ADAMTSL1: variants seen among roughly 807,000 people sequenced by gnomAD.
ADAMTSL1 encodes the protein ADAMTS like 1, also known as ADAMTS-like protein 1.
ADAMTSL1 carries 126 observed loss-of-function variants against 201.8 expected under a neutral mutation model. The ratio of observed to expected loss-of-function variants is 0.62; its 90% CI spans 0.54 to 0.72. The LOEUF (loss-of-function observed/expected upper bound fraction) is 0.72. ADAMTSL1 is among the 30% of genes least tolerant of loss of function. The pLI, the probability that ADAMTSL1 is intolerant of heterozygous loss-of-function variation, is 0.00. For synonymous variants in ADAMTSL1, 1,121 were observed against 903.4 expected (o/e 1.24, Z -4.32); for missense variants, 2,679 against 2,277.8 (o/e 1.18, Z -3.59).
chr9:18,886,919 G>A lies in ADAMTSL1; in HGVS notation c.4250-912G>A, dbSNP rs1295200193. Among the ~76,000 whole-genome samples, 4 of 152,290 alleles carry A rather than the reference G, an allele frequency of 2.6e-5. No individual in the cohort carries two copies. The East Asian group carries it at 7.7e-4, about 29-fold the overall frequency. On this transcript the variant is annotated intron_variant, in intron 23 of 28. Coordinates refer to ENST00000380548, the MANE Select transcript of ADAMTSL1 (RefSeq NM_001040272.6). ...TTTCTAAAAATCTTATACCAGCTGA[G>A]ATCTCCCTAGAAGAGGGAAGATAGT...
chr9:18,778,003 G>T, intron 19 of ADAMTSL1, 97 bp downstream of exon 19: 3 of 1,464,616 alleles, frequency 2.0e-6, no homozygotes, highest in African/African-American at 1.4e-5. Flanking sequence ...GTTTCCAGGG[G>T]TAGGGCTTAG....
intron 23 of ADAMTSL1, among the ~76,000 whole-genome samples, chr9:18,843,071 G>C (rs548406815): frequency 6.6e-6 from 1 of 151,822 alleles, no homozygotes. Context: ...ATCTGATCCT[G>C]TCATTATGAT....
At chr9:18,718,080 A>G in intron 14 of ADAMTSL1, 1 of 1,451,744 alleles carries the variant, frequency 6.9e-7, no homozygotes, top group Middle Eastern at 1.7e-4. Flanking sequence ...TTTATTTTGA[A>G]TTTTGTAGAA....
chr9:18,587,756 T>G (rs1029853968), intron 4 of ADAMTSL1, among the ~76,000 whole-genome samples: 2 of 152,226 alleles, frequency 1.3e-5, no homozygotes, highest in African/African-American at 4.8e-5. Context: ...TGTGCCTGGT[T>G]TATTTCACTT....
intron 1 of ADAMTSL1, among the ~76,000 whole-genome samples, chr9:18,020,501 C>T (rs562724723): frequency 2.8e-4 from 43 of 152,084 alleles, no homozygotes; most frequent in African/African-American, 9.6e-4. Flanking sequence ...AGAGATCTTC[C>T]CTTCTTCCAG....
intron 23 of ADAMTSL1, among the ~76,000 whole-genome samples, chr9:18,858,935 T>A (rs1217344360): frequency 6.6e-6 from 1 of 152,200 alleles, no homozygotes; most frequent in Non-Finnish European, 1.5e-5. Context: ...TCTTAATAGA[T>A]GCATTACCCA....
intron 4 of ADAMTSL1, among the ~76,000 whole-genome samples, chr9:18,584,791 G>C (rs1239514761): frequency 2.0e-5 from 3 of 152,090 alleles, no homozygotes; most frequent in African/African-American, 7.2e-5. Flanking sequence ...CCATCCAATT[G>C]ACTAGGGGCC....
At chr9:18,127,682 G>A (rs1413203214) in intron 1 of ADAMTSL1, among the ~76,000 whole-genome samples, 1 of 152,112 alleles carries the variant, frequency 6.6e-6, no homozygotes, top group Non-Finnish European at 1.5e-5. Flanking sequence ...AGGAGTCTTC[G>A]CTGTCAGCAC....
At chr9:18,365,038 C>T (rs1174330030) in intron 2 of ADAMTSL1, among the ~76,000 whole-genome samples, 2 of 152,188 alleles carry the variant, frequency 1.3e-5, no homozygotes, top group African/African-American at 2.4e-5. Context: ...CATATCAGTG[C>T]CCATATCCTA....
chr9:18,677,556 G>T (rs1007777509), intron 10 of ADAMTSL1, among the ~76,000 whole-genome samples: 1 of 151,906 alleles, frequency 6.6e-6, no homozygotes, highest in Non-Finnish European at 1.5e-5. Flanking sequence ...AGTAAGCAAC[G>T]TCAAGTTTAT....
intron 1 of ADAMTSL1, among the ~76,000 whole-genome samples, chr9:17,909,364 G>C (rs1280772306): frequency 6.1e-5 from 9 of 146,474 alleles, no homozygotes; most frequent in Non-Finnish European, 1.4e-4. Context: ...TGTTGCCATT[G>C]CTTTTGGTGT....
intron 1 of ADAMTSL1, among the ~76,000 whole-genome samples, chr9:18,157,510 A>C (rs1827208004): frequency 6.6e-6 from 1 of 151,960 alleles, no homozygotes; most frequent in South Asian, 2.1e-4. Context: ...ACCTTGCCTC[A>C]AACCATATTA....
At chr9:18,107,727 C>T (rs1343600698) in intron 1 of ADAMTSL1, among the ~76,000 whole-genome samples, 1 of 152,150 alleles carries the variant, frequency 6.6e-6, no homozygotes, top group East Asian at 1.9e-4. Flanking sequence ...TTATGTGCTG[C>T]CTTTTTTACC....
chr9:18,009,137 G>T (rs1169279459), intron 1 of ADAMTSL1, among the ~76,000 whole-genome samples: 1 of 151,932 alleles, frequency 6.6e-6, no homozygotes, highest in East Asian at 1.9e-4. Context: ...ACCAGTTCTT[G>T]CATGCAGTTC....
intron 23 of ADAMTSL1, among the ~76,000 whole-genome samples, chr9:18,836,733 C>T (rs577948161): frequency 1.2e-4 from 18 of 152,242 alleles, no homozygotes; most frequent in South Asian, 2.1e-4. Flanking sequence ...TCCATAAGCA[C>T]GGAATGCTTT....
At chr9:18,195,489 TG>T (rs1237967419) in intron 2 of ADAMTSL1, among the ~76,000 whole-genome samples, 4 of 152,168 alleles carry the variant, frequency 2.6e-5, no homozygotes, top group Non-Finnish European at 5.9e-5. Context: ...GCAGCAGGAC[TG>T]GGAACAAACA....
rs188972112 is a variant in ADAMTSL1, at chr9:18,300,980, A to G, written c.207+136999A>G. Among the ~76,000 whole-genome samples the G allele has an allele frequency of 3.8e-3, 581 of 152,364 alleles. 2 individuals are homozygous for G. Among genetic ancestry groups the G allele is most frequent in the Admixed American group, 7.0e-3 (107 of 15,310 alleles). ...GTTCAAAAAAATTGAGCAGGCAAAA[A>G]AATGTACAATTATTTCAGTGGGAGT... On this transcript the variant is annotated intron_variant, in intron 2 of 29. Coordinates refer to the ADAMTSL1 transcript ENST00000680146.
In ADAMTSL1 at chr9:18,759,262, C is replaced by T. The variant is rs529690130; in HGVS notation, c.2217+5754C>T. Among the ~76,000 whole-genome samples, 3 of 152,220 alleles carry T rather than the reference C, an allele frequency of 2.0e-5. No individual in the cohort carries two copies. In the East Asian group the frequency reaches 5.8e-4, roughly 29 times the overall value. The stretch of plus-strand genomic sequence containing the variant: ...ACAATTGAAAATGCCTGCAGTTCAA[C>T]TATGTAAAAAAGCATAAGGGAGAGG... On this transcript the variant is annotated intron_variant, in intron 16 of 28. Transcript: ENST00000380548.
In ADAMTSL1 at chr9:18,592,998, C is replaced by G. The variant is rs550216609; in HGVS notation, c.474+18732C>G. Reference sequence around the variant, plus strand: ...TAGCTATTGTAAATGAGATTACTTTCTTGATATCTTTTTCAGATTGTTCAT... The same window carrying G: ...TAGCTATTGTAAATGAGATTACTTTGTTGATATCTTTTTCAGATTGTTCAT... On this transcript the variant is annotated intron_variant, in intron 4 of 28. Coordinates refer to ENST00000380548, the MANE Select transcript of ADAMTSL1 (RefSeq NM_001040272.6). Among the ~76,000 whole-genome samples, 165 of 152,032 alleles carry G rather than the reference C, an allele frequency of 1.1e-3. 1 individual carries two copies. The highest frequency in any genetic ancestry group is 6.2e-4 in the South Asian group (3 of 4,812).
Sources: allele counts gnomAD v4.1 joint callset (sites outside exome capture counted in the v4.1 genomes callset), GRCh38; gene constraint gnomAD v4.1.1; transcripts MANE v1.5; gene names NCBI Gene and HGNC (gene_info 2026-07-23, HGNC 2026-07-21).